Variants in CNTN5 observed in about 807,000 individuals in gnomAD.
The protein encoded by CNTN5 is contactin 5, also known as contactin-5.
CNTN5 carries 77 observed loss-of-function variants against 129.1 expected under a neutral mutation model. That is an observed-to-expected ratio of 0.60 (90% CI 0.50 to 0.72). CNTN5 has a LOEUF of 0.72. Ranked by LOEUF, CNTN5 falls within the 30% of genes least tolerant of loss-of-function variation. The probability of loss-of-function intolerance (pLI) is 0.00; values close to 1 mark genes in which losing one functional copy is unlikely to be tolerated. For synonymous variants in CNTN5, 509 were observed against 465.6 expected (o/e 1.09, Z -1.20); for missense variants, 1,478 against 1,328.8 (o/e 1.11, Z -1.75).
At chr11:99,964,824 G>T (rs1591492283) in intron 8 of CNTN5, among the ~76,000 whole-genome samples, 1 of 152,134 alleles carries the variant, frequency 6.6e-6, no homozygotes, top group East Asian at 1.9e-4. Flanking sequence ...ATTAATTATT[G>T]CCTCAATTTC....
In CNTN5 at chr11:99,037,576, C is replaced by CTTTTTTTTTTTTTTTTT. The variant is rs1161467398; in HGVS notation, c.-210+16312_-210+16328dup. 3.1e-4 allele frequency among the ~76,000 whole-genome samples: 33 copies of CTTTTTTTTTTTTTTTTT among 105,626 alleles called. 1 individual carries two copies. The highest frequency in any genetic ancestry group is 1.1e-3 in the East Asian group (4 of 3,640). 69.3% of individuals were successfully genotyped at this position (105,626 alleles called of 152,430 possible). A position where few individuals can be genotyped will look rare whatever the true frequency, so the allele number is the denominator to read the frequency against. ...CATATTTTTCCTTCTTTTTTCTTTT[C>CTTTTTTTTTTTTTTTTT]TTTTTTTTTTTTTTTTTTTTTTAAC... On this transcript the variant is annotated intron_variant, in intron 1 of 24. Transcript: ENST00000524871.
At chr11:99,424,207 A>G (rs1333647283) in intron 2 of CNTN5, among the ~76,000 whole-genome samples, 2 of 152,248 alleles carry the variant, frequency 1.3e-5, no homozygotes, top group Non-Finnish European at 1.5e-5. Flanking sequence ...TGGTGCCATT[A>G]TTAAGTATAA....
intron 9 of CNTN5, among the ~76,000 whole-genome samples, chr11:100,007,200 T>A (rs1940250211): frequency 2.0e-5 from 3 of 151,868 alleles, no homozygotes; most frequent in Non-Finnish European, 4.4e-5. Flanking sequence ...GAACACAGAG[T>A]AGATTTAACA....
chr11:99,634,133 A>G (rs1227293557), intron 3 of CNTN5, among the ~76,000 whole-genome samples: 1 of 152,214 alleles, frequency 6.6e-6, no homozygotes, highest in Non-Finnish European at 1.5e-5. Context: ...ATTAAAAGCA[A>G]GAAAATAGTG....
At chr11:100,069,291 G>A (rs983213487) in intron 10 of CNTN5, among the ~76,000 whole-genome samples, 11 of 151,852 alleles carry the variant, frequency 7.2e-5, no homozygotes, top group Non-Finnish European at 1.2e-4. Context: ...TGGCTGGACC[G>A]ATAGGCATGT....
intron 1 of CNTN5, among the ~76,000 whole-genome samples, chr11:99,291,629 A>T (rs1864175650): frequency 6.6e-6 from 1 of 152,066 alleles, no homozygotes; most frequent in South Asian, 2.1e-4. Context: ...ATAGCTATAC[A>T]TCGTATAATG....
At chr11:99,868,748 G>C (rs548581084) in intron 6 of CNTN5, among the ~76,000 whole-genome samples, 2 of 152,252 alleles carry the variant, frequency 1.3e-5, no homozygotes, top group South Asian at 2.1e-4. Flanking sequence ...TTTGTGCTGG[G>C]AAGTCAGGGA....
At chr11:99,190,168 C>T (rs967059998) in intron 1 of CNTN5, among the ~76,000 whole-genome samples, 1 of 151,476 alleles carries the variant, frequency 6.6e-6, no homozygotes, top group African/African-American at 2.4e-5. Context: ...TTCCATTTTG[C>T]ACTGTTGGCA....
intron 8 of CNTN5, among the ~76,000 whole-genome samples, chr11:99,988,767 A>G (rs190790632): frequency 7.2e-5 from 11 of 152,198 alleles, no homozygotes; most frequent in African/African-American, 2.6e-4. Context: ...TATTACATGT[A>G]GCTTTTCCAC....
chr11:99,675,487 A>G (rs1158758084), intron 3 of CNTN5, among the ~76,000 whole-genome samples: 1 of 152,152 alleles, frequency 6.6e-6, no homozygotes, highest in African/African-American at 2.4e-5. Flanking sequence ...GTTCGAGACC[A>G]GCCTGGGCAA....
intron 2 of CNTN5, among the ~76,000 whole-genome samples, chr11:99,503,934 T>C (rs2135390313): frequency 6.6e-6 from 1 of 152,322 alleles, no homozygotes; most frequent in Non-Finnish European, 1.5e-5. Flanking sequence ...TTACAATGTA[T>C]TTGTAACAAA....
At chr11:99,451,750 G>T (rs541075872) in intron 2 of CNTN5, among the ~76,000 whole-genome samples, 124 of 152,124 alleles carry the variant, frequency 8.2e-4, no homozygotes, top group African/African-American at 2.7e-3. Flanking sequence ...AGCCTAACAT[G>T]CTGTATACAC....
intron 7 of CNTN5, among the ~76,000 whole-genome samples, chr11:99,954,726 T>A (rs1950757350): frequency 6.6e-6 from 1 of 152,230 alleles, no homozygotes; most frequent in South Asian, 2.1e-4. Flanking sequence ...GATGTTTAGC[T>A]CAGTCCAATA....
intron 3 of CNTN5, among the ~76,000 whole-genome samples, chr11:99,579,161 G>T (rs1449837530): frequency 5.3e-5 from 8 of 152,112 alleles, no homozygotes; most frequent in Non-Finnish European, 1.0e-4. Flanking sequence ...CATTATTTCT[G>T]AGGGCTCTGT....
At chr11:100,206,056 T>TA (rs1437415361) in intron 15 of CNTN5, among the ~76,000 whole-genome samples, 5 of 151,826 alleles carry the variant, frequency 3.3e-5, no homozygotes, top group African/African-American at 1.2e-4. Context: ...GGGTCAGTCT[T>TA]ACAGAGGAAC....
At chr11:100,172,688 A>G (rs12803066) in intron 13 of CNTN5, among the ~76,000 whole-genome samples, 23,420 of 152,020 alleles carry the variant, frequency 0.15, 1,797 homozygotes, top group Middle Eastern at 0.27. Flanking sequence ...AGATCATGAC[A>G]AAACAGACTC....
intron 2 of CNTN5, among the ~76,000 whole-genome samples, chr11:99,334,802 T>G (rs182724789): frequency 3.4e-4 from 51 of 148,878 alleles, no homozygotes; most frequent in Admixed American, 2.2e-3. Context: ...ATATATTGGG[T>G]TAACAAAATA....
At chr11:99,732,297 T>A (rs1943561323) in intron 3 of CNTN5, among the ~76,000 whole-genome samples, 1 of 152,146 alleles carries the variant, frequency 6.6e-6, no homozygotes, top group South Asian at 2.1e-4. Flanking sequence ...TCAGGGGTGA[T>A]GAGAGGTCAG....
intron 3 of CNTN5, among the ~76,000 whole-genome samples, chr11:99,624,759 C>T (rs1951070331): frequency 6.6e-6 from 1 of 152,150 alleles, no homozygotes; most frequent in Non-Finnish European, 1.5e-5. Flanking sequence ...TGATACATGT[C>T]TGATGGTGAT....
Sources: gnomAD v4.1 joint callset for allele counts (sites outside exome capture counted in the v4.1 genomes callset) on GRCh38, gnomAD v4.1.1 for gene constraint, MANE v1.5 for transcripts, NCBI Gene and HGNC (gene_info 2026-07-23, HGNC 2026-07-21) for gene names.